Variants in MAGI1 observed in about 807,000 individuals in gnomAD.
MAGI1 encodes membrane-associated guanylate kinase, WW and PDZ domain-containing protein 1.
In MAGI1, 58 loss-of-function variants were observed where a neutral mutation model predicts 139.9. The observed-to-expected ratio is 0.41, with a 90% CI of 0.34 to 0.52. MAGI1 has a LOEUF of 0.52. Ranked by LOEUF, MAGI1 falls within the 20% of genes least tolerant of loss-of-function variation. MAGI1 has a pLI of 0.12. For missense variants in MAGI1, 1,874 were observed against 1,901.6 expected (o/e 0.99, Z 0.27); for synonymous variants, 812 against 737.9 (o/e 1.10, Z -1.63).
chr3:65,488,587 T>C (rs1224514116), intron 3 of MAGI1, among the ~76,000 whole-genome samples: 2 of 152,156 alleles, frequency 1.3e-5, no homozygotes, highest in Non-Finnish European at 2.9e-5. Context: ...ATGATCCGCC[T>C]GCCTTGGCCT....
intron 4 of MAGI1, among the ~76,000 whole-genome samples, chr3:65,476,637 T>C (rs1950907666): frequency 6.6e-6 from 1 of 152,178 alleles, no homozygotes; most frequent in African/African-American, 2.4e-5. Context: ...ACAAGCTTCT[T>C]GGGGACCACC....
intron 1 of MAGI1, chr3:65,874,718 A>G (rs1416488941): frequency 6.6e-6 from 1 of 152,184 alleles, no homozygotes; most frequent in Non-Finnish European, 1.5e-5. Context: ...TAAAAACTTA[A>G]AGAGTTTCCA....
rs1307855689 is a variant in MAGI1, at chr3:65,812,458, T to A, written c.314-190370A>T. Among the ~76,000 whole-genome samples the A allele has an allele frequency of 2.2e-3, 219 of 101,706 alleles. 2 individuals are homozygous for A. The highest frequency in any genetic ancestry group is 7.8e-3 in the African/African-American group (201 of 25,652). The allele number at this position is 101,706 out of a possible 152,430, so 66.7% of individuals were successfully genotyped here. Reference sequence around the variant, plus strand: ...CTCTCTCTCTCTTTCTCTCTCTCTCTCTCTCTCTCTCACACACACACACAC... The same window carrying A: ...CTCTCTCTCTCTTTCTCTCTCTCTCACTCTCTCTCTCACACACACACACAC... On this transcript the variant is annotated intron_variant, in intron 1 of 22. Transcript: ENST00000402939.
intron 1 of MAGI1, among the ~76,000 whole-genome samples, chr3:65,746,503 A>G (rs1340607373): frequency 6.6e-6 from 1 of 152,202 alleles, no homozygotes; most frequent in Non-Finnish European, 1.5e-5. Context: ...CATTGACAGT[A>G]TAATTAGTCA....
intron 1 of MAGI1, among the ~76,000 whole-genome samples, chr3:65,640,852 T>C (rs948457563): frequency 1.3e-5 from 2 of 152,174 alleles, no homozygotes; most frequent in African/African-American, 2.4e-5. Flanking sequence ...TGACACATTA[T>C]AGTTCCCAAA....
At chr3:65,920,713 T>G (rs2062134189) in intron 1 of MAGI1, among the ~76,000 whole-genome samples, 1 of 152,190 alleles carries the variant, frequency 6.6e-6, no homozygotes, top group East Asian at 1.9e-4. Flanking sequence ...GGGTTTTAAT[T>G]TATATGACAA....
intron 1 of MAGI1, among the ~76,000 whole-genome samples, chr3:65,696,333 T>A (rs1311059586): frequency 6.6e-6 from 1 of 152,158 alleles, no homozygotes; most frequent in African/African-American, 2.4e-5. Context: ...GATACATTTT[T>A]TTAATTATCT....
chr3:65,900,972 C>T (rs977624849), intron 1 of MAGI1, among the ~76,000 whole-genome samples: 2 of 152,148 alleles, frequency 1.3e-5, no homozygotes, highest in South Asian at 2.1e-4. Flanking sequence ...GAAGTAAGAG[C>T]GCATTCAGCA....
At chr3:65,397,631 C>T (rs141128848) in intron 13 of MAGI1, among the ~76,000 whole-genome samples, 33 of 151,754 alleles carry the variant, frequency 2.2e-4, no homozygotes, top group Non-Finnish European at 4.4e-4. Context: ...ATGTGGTTTC[C>T]TATGTTGCCT....
intron 3 of MAGI1, among the ~76,000 whole-genome samples, chr3:65,483,751 C>G (rs866300174): frequency 1.3e-5 from 2 of 152,096 alleles, no homozygotes; most frequent in Admixed American, 6.6e-5. Flanking sequence ...GGAGGGTAGC[C>G]AGGGAGGAAA....
chr3:65,436,786 G>A (rs1947885917), intron 10 of MAGI1, among the ~76,000 whole-genome samples: 4 of 151,946 alleles, frequency 2.6e-5, no homozygotes, highest in Admixed American at 2.6e-4. Context: ...ATGAGAGGTG[G>A]GCTGTGTGCT....
intron 1 of MAGI1, among the ~76,000 whole-genome samples, chr3:65,677,744 T>C (rs2087289820): frequency 6.6e-6 from 1 of 152,218 alleles, no homozygotes; most frequent in South Asian, 2.1e-4. Context: ...ACTCTTCATA[T>C]GCCAAAAGAG....
chr3:65,354,927 G>A lies in MAGI1; in HGVS notation c.*1451C>T, dbSNP rs1382137222. 9 of 147,442 alleles carry A rather than the reference G, an allele frequency of 6.1e-5. No homozygotes were observed. The highest frequency in any genetic ancestry group is 1.2e-4 in the Non-Finnish European group (8 of 67,346). The allele number at this position is 147,442 out of a possible 1,614,324, so 9.1% of individuals were successfully genotyped here. ...CTTTTTTTTTTTCTTACAGTACCATGGGAACAACAGTGATTGACTTGCAAA... is the reference window on the plus strand; with the variant it reads ...CTTTTTTTTTTTCTTACAGTACCATAGGAACAACAGTGATTGACTTGCAAA... On this transcript the variant is annotated 3_prime_UTR_variant, in exon 23 of 23. Transcript: ENST00000402939.
chr3:65,633,237 A>T (rs1469539699), intron 1 of MAGI1, among the ~76,000 whole-genome samples: 1 of 152,164 alleles, frequency 6.6e-6, no homozygotes, highest in Non-Finnish European at 1.5e-5. Flanking sequence ...GGCTGACAAT[A>T]ACAGGCACAC....
At chr3:65,526,644 C>T (rs550786405) in intron 2 of MAGI1, among the ~76,000 whole-genome samples, 1 of 152,196 alleles carries the variant, frequency 6.6e-6, no homozygotes, top group Non-Finnish European at 1.5e-5. Flanking sequence ...TCTCTCCTCA[C>T]ATGCCCAGAC....
chr3:65,733,909 G>C (rs73832938), intron 1 of MAGI1, among the ~76,000 whole-genome samples: 1,722 of 152,248 alleles, frequency 0.011, 32 homozygotes, highest in African/African-American at 0.04. Flanking sequence ...TCCACTCCCA[G>C]GGAAGGGCAA....
At chr3:65,543,986 C>A (rs2079380433) in intron 2 of MAGI1, among the ~76,000 whole-genome samples, 1 of 151,904 alleles carries the variant, frequency 6.6e-6, no homozygotes, top group East Asian at 1.9e-4. Flanking sequence ...GAAAGAACAC[C>A]TTTCTATTCT....
chr3:65,855,221 AG>A (rs947193076), intron 1 of MAGI1, among the ~76,000 whole-genome samples: 6 of 133,478 alleles, frequency 4.5e-5, no homozygotes, highest in African/African-American at 2.0e-4. Context: ...AGTCCACAAG[AG>A]AAAAAAAGGC....
intron 1 of MAGI1, among the ~76,000 whole-genome samples, chr3:65,765,588 G>A (rs73133581): frequency 1.4e-3 from 210 of 152,290 alleles, no homozygotes; most frequent in Non-Finnish European, 2.4e-3. Context: ...CCAGATACAT[G>A]AGGCTGTGGT....
Sources: allele counts gnomAD v4.1 joint callset (sites outside exome capture counted in the v4.1 genomes callset), GRCh38; gene constraint gnomAD v4.1.1; transcripts MANE v1.5; gene names NCBI Gene and HGNC (gene_info 2026-07-23, HGNC 2026-07-21).